Variants in CSMD3 observed in about 807,000 individuals in gnomAD.
The protein encoded by CSMD3 is CUB and Sushi multiple domains 3.
In CSMD3, 177 loss-of-function variants were observed where a neutral mutation model predicts 435.2. The observed-to-expected ratio is 0.41, with a 90% CI of 0.36 to 0.46. The LOEUF is 0.46. Ranked by LOEUF, CSMD3 falls within the 20% of genes least tolerant of loss-of-function variation. The pLI is 0.34. For missense variants in CSMD3, 4,265 were observed against 4,504.6 expected (o/e 0.95, Z 1.52); for synonymous variants, 1,656 against 1,520.5 (o/e 1.09, Z -2.07).
At chr8:113,205,545 T>G (rs2092761426) in intron 3 of CSMD3, among the ~76,000 whole-genome samples, 1 of 152,144 alleles carries the variant, frequency 6.6e-6, no homozygotes, top group African/African-American at 2.4e-5. Flanking sequence ...GTACACTCTA[T>G]GATGTTCTCA....
intron 69 of CSMD3, among the ~76,000 whole-genome samples, chr8:112,230,905 A>G (rs960228276): frequency 2.6e-4 from 39 of 152,224 alleles, no homozygotes; most frequent in Admixed American, 5.2e-4. Flanking sequence ...TCCCTGTCAC[A>G]GTATAATAAT....
intron 1 of CSMD3, among the ~76,000 whole-genome samples, chr8:113,390,723 G>A (rs916430097): frequency 6.6e-6 from 1 of 151,834 alleles, no homozygotes; most frequent in African/African-American, 2.4e-5. Flanking sequence ...AATTCTTCAA[G>A]AATAAGTGAC....
chr8:112,410,190 C>G lies in CSMD3; in HGVS notation c.5396-1158G>C, dbSNP rs118049575. ...AACAAAGCTATATGTAGTTTTTAGGCCTGTAAAAATAAGCTGGTGATCTCA... is the reference window on the plus strand; with the variant it reads ...AACAAAGCTATATGTAGTTTTTAGGGCTGTAAAAATAAGCTGGTGATCTCA... On this transcript the variant is annotated intron_variant, in intron 32 of 70. Transcript: ENST00000297405. 9.7e-3 allele frequency among the ~76,000 whole-genome samples: 1,476 copies of G among 151,620 alleles called. 14 individuals carry two copies. The highest frequency in any genetic ancestry group is 0.029 in the South Asian group (138 of 4,806).
chr8:112,972,882 TG>T (rs2084708931), intron 7 of CSMD3, among the ~76,000 whole-genome samples: 1 of 151,918 alleles, frequency 6.6e-6, no homozygotes, highest in African/African-American at 2.4e-5. Flanking sequence ...CAAGCTGCAA[TG>T]GCAAGTTATA....
At chr8:113,160,407 AAC>A (rs1476674388) in intron 4 of CSMD3, among the ~76,000 whole-genome samples, 1 of 151,974 alleles carries the variant, frequency 6.6e-6, no homozygotes. Flanking sequence ...CAAAACGTCT[AAC>A]GTATTCAAGG....
In CSMD3 at chr8:113,363,286, G is replaced by A. The variant is rs983696749; in HGVS notation, c.179-48493C>T. Among the ~76,000 whole-genome samples the A allele has an allele frequency of 5.2e-4, 12 of 23,044 alleles. 1 individual carries two copies. Among genetic ancestry groups the A allele is most frequent in the Middle Eastern group, 0.067 (2 of 30 alleles). 15.1% of individuals were successfully genotyped at this position (23,044 alleles called of 152,430 possible). A position where few individuals can be genotyped will look rare whatever the true frequency, so the allele number is the denominator to read the frequency against. Reference sequence around the variant, plus strand: ...CTTATTTATAGTTAATTGCTTACACGCGTGTTTGTATATTTCAAAGTCCTT... The same window carrying A: ...CTTATTTATAGTTAATTGCTTACACACGTGTTTGTATATTTCAAAGTCCTT... On this transcript the variant is annotated intron_variant, in intron 1 of 70. Coordinates refer to ENST00000297405, the MANE Select transcript of CSMD3 (RefSeq NM_198123.2).
Position 112,990,846 on chromosome 8 carries a change from C to A in CSMD3, c.1031-14698G>T, listed in dbSNP as rs369864133. ...AGACACAGTCCTCCAACTCCACTCA[C>A]TGTAGTTACCACTACATTTCTCTCT... On this transcript the variant is annotated intron_variant, in intron 6 of 70. Transcript: ENST00000297405. Among the ~76,000 whole-genome samples the A allele has an allele frequency of 8.0e-4, 122 of 152,014 alleles. No individual in the cohort carries two copies. The East Asian group carries it at 0.015, about 18-fold the overall frequency.
At chr8:113,025,243 T>A (rs186217754) in intron 5 of CSMD3, among the ~76,000 whole-genome samples, 8 of 152,198 alleles carry the variant, frequency 5.3e-5, no homozygotes, top group African/African-American at 1.7e-4. Context: ...CTTTCCGATT[T>A]TATGTGGTAG....
chr8:113,283,745 T>C (rs1297822718), intron 2 of CSMD3, among the ~76,000 whole-genome samples: 8 of 152,130 alleles, frequency 5.3e-5, no homozygotes. Flanking sequence ...ATCCAGAGGA[T>C]ATCAAGTCAT....
At chr8:113,330,079 T>C (rs4370561) in intron 1 of CSMD3, among the ~76,000 whole-genome samples, 100,546 of 151,912 alleles carry the variant, frequency 0.66, 34,238 homozygotes, top group Admixed American at 0.76. Flanking sequence ...TATTTTCCTA[T>C]ATAATTTTTA....
intron 27 of CSMD3, among the ~76,000 whole-genome samples, chr8:112,525,790 A>C: frequency 7.5e-6 from 1 of 133,038 alleles, no homozygotes; most frequent in African/African-American, 3.1e-5. Context: ...GTGTGTATAT[A>C]TATATGTATA....
intron 22 of CSMD3, among the ~76,000 whole-genome samples, chr8:112,607,353 T>C (rs1245379730): frequency 6.6e-6 from 1 of 151,942 alleles, no homozygotes; most frequent in Admixed American, 6.6e-5. Flanking sequence ...AAATCTCCCA[T>C]CAAAGAAAAG....
In CSMD3 at chr8:112,609,665, A is replaced by T. The variant is rs180851916; in HGVS notation, c.3716-22430T>A. ...TGATCCAGCAATATCACTTCAGGGT[A>T]TATAACCGAAGGACATAAAATCACT... On this transcript the variant is annotated intron_variant, in intron 22 of 70. Transcript: ENST00000297405. 1.9e-3 allele frequency among the ~76,000 whole-genome samples: 283 copies of T among 152,290 alleles called. 1 individual carries two copies. Among genetic ancestry groups the T allele is most frequent in the Middle Eastern group, 0.014 (4 of 294 alleles).
At chr8:112,337,490 A>G (rs145667764) in intron 43 of CSMD3, 53 bp downstream of exon 43, 167 of 1,428,296 alleles carry the variant, frequency 1.2e-4, no homozygotes, top group Middle Eastern at 1.7e-4. Flanking sequence ...TGCCAAAACA[A>G]TATTAAAAAC....
At position 112,623,163 on chromosome 8, in the gene CSMD3, T is replaced by C. The variant is rs535035577; in HGVS notation, c.3715+13654A>G. Among the ~76,000 whole-genome samples, 6 of 152,192 alleles carry C rather than the reference T, an allele frequency of 3.9e-5. No homozygotes were observed. In the South Asian group the frequency reaches 8.3e-4, roughly 21 times the overall value. On this transcript the variant is annotated intron_variant, in intron 22 of 70. Coordinates refer to ENST00000297405, the MANE Select transcript of CSMD3 (RefSeq NM_198123.2). ...GATTAAAAAGCAAAAAAGAAAGAAG[T>C]GTTTGCTCCACATTGACTATACCTA... is the stretch of plus-strand genomic sequence containing the variant.
intron 7 of CSMD3, among the ~76,000 whole-genome samples, chr8:112,958,698 T>G (rs952329559): frequency 1.3e-5 from 2 of 152,218 alleles, no homozygotes; most frequent in African/African-American, 4.8e-5. Context: ...CTATAAAAAT[T>G]AACCATATAT....
At chr8:113,247,500 C>CAACCACTG (rs1204681098) in intron 3 of CSMD3, among the ~76,000 whole-genome samples, 1 of 152,086 alleles carries the variant, frequency 6.6e-6, no homozygotes. Flanking sequence ...CTTAAATTAT[C>CAACCACTG]AACCACTGAG....
intron 3 of CSMD3, among the ~76,000 whole-genome samples, chr8:113,204,416 C>A (rs1383744754): frequency 6.6e-6 from 1 of 152,008 alleles, no homozygotes; most frequent in African/African-American, 2.4e-5. Context: ...TAGAAACATT[C>A]TTTATCACAA....
intron 41 of CSMD3, among the ~76,000 whole-genome samples, chr8:112,344,607 A>G (rs1305746519): frequency 6.6e-6 from 1 of 152,144 alleles, no homozygotes. Flanking sequence ...TTGTGCTTCA[A>G]TGAGTATCTA....
Sources: gnomAD v4.1 joint callset for allele counts (sites outside exome capture counted in the v4.1 genomes callset) on GRCh38, gnomAD v4.1.1 for gene constraint, MANE v1.5 for transcripts, NCBI Gene and HGNC (gene_info 2026-07-23, HGNC 2026-07-21) for gene names.